The following MGAM2 variants were observed in gnomAD, a reference collection of about 807,000 sequenced individuals.
The protein encoded by MGAM2 is maltase-glucoamylase 2 (putative).
MGAM2 carries 98 observed loss-of-function variants against 96.1 expected under a neutral mutation model. The observed-to-expected ratio is 1.02, with a 90% CI of 0.87 to 1.21. The LOEUF is 1.21. Among genes scored for constraint, MGAM2 ranks in the 50% most tolerant of loss-of-function variants. The pLI is 0.00. For missense variants in MGAM2, 2,055 were observed against 1,182.4 expected, an observed-to-expected ratio of 1.74 and a Z score of -10.82; for synonymous variants, 749 against 414.8, an observed-to-expected ratio of 1.81 and a Z score of -9.79.
At chr7:142,114,160 AAG>A (rs1156369132) in intron 1 of MGAM2, among the ~76,000 whole-genome samples, 1 of 94,888 alleles carries the variant, frequency 1.1e-5, no homozygotes, top group Admixed American at 1.1e-4. Flanking sequence ...GAAGGAAAGA[AAG>A]AAAGAAAGAA....
At chr7:142,182,263 G>T (rs973098193) in intron 32 of MGAM2, among the ~76,000 whole-genome samples, 1 of 152,174 alleles carries the variant, frequency 6.6e-6, no homozygotes, top group African/African-American at 2.4e-5. Context: ...GCTCTGCTGG[G>T]GGTCAGAGTA....
chr7:142,113,906 C>T (rs938623242), intron 1 of MGAM2, among the ~76,000 whole-genome samples: 3 of 151,904 alleles, frequency 2.0e-5, no homozygotes, highest in Non-Finnish European at 2.9e-5. Context: ...CCAAGGCGGG[C>T]GGATCACCTG....
chr7:142,112,272 C>G (rs964309034), intron 1 of MGAM2, among the ~76,000 whole-genome samples: 2 of 152,080 alleles, frequency 1.3e-5, no homozygotes, highest in Non-Finnish European at 2.9e-5. Flanking sequence ...GCCTGAATGA[C>G]AATAGCTCCT....
chr7:142,152,171 TAAA>T (rs35193680), intron 15 of MGAM2, among the ~76,000 whole-genome samples: 3 of 145,424 alleles, frequency 2.1e-5, no homozygotes, highest in East Asian at 2.0e-4. Flanking sequence ...TTAAGATGTT[TAAA>T]AAAAAAAAAA....
At chr7:142,139,376 T>C (rs2129079956) in intron 10 of MGAM2, among the ~76,000 whole-genome samples, 1 of 152,230 alleles carries the variant, frequency 6.6e-6, no homozygotes, top group Admixed American at 6.5e-5. Flanking sequence ...GAATATAGTG[T>C]TGGCCCAGTG....
At position 142,116,073 on chromosome 7, in the gene MGAM2, A is replaced by G. The variant is rs75893314; in HGVS notation, c.1-801A>G. 1.6e-3 allele frequency among the ~76,000 whole-genome samples: 249 copies of G among 152,282 alleles called. 4 individuals carry two copies. The South Asian group carries it at 0.035, about 21-fold the overall frequency. ...GACATGTAATAATGTTAGATTTACTATAATTAGAGCAGAAAAATGAGAACA... is the reference window on the plus strand; with the variant it reads ...GACATGTAATAATGTTAGATTTACTGTAATTAGAGCAGAAAAATGAGAACA... On this transcript the variant is annotated intron_variant, in intron 1 of 47. Coordinates refer to ENST00000477922, the MANE Select transcript of MGAM2 (RefSeq NM_001293626.2).
chr7:142,137,227 A>C lies in MGAM2; in HGVS notation c.848-206A>C, dbSNP rs74812509. 5.5e-3 allele frequency among the ~76,000 whole-genome samples: 835 copies of C among 152,156 alleles called. 44 individuals are homozygous for C. In the East Asian group the frequency reaches 0.14, roughly 25 times the overall value. ...GTTCTTCTTTATCTTAAAAAAAAAAAAACAAAACTCAATTCTTCATTGGTG... is the reference window on the plus strand; with the variant it reads ...GTTCTTCTTTATCTTAAAAAAAAAACAACAAAACTCAATTCTTCATTGGTG... On this transcript the variant is annotated intron_variant, in intron 8 of 47. Transcript: ENST00000477922.
At chr7:142,155,044 A>G (rs1271898977) in intron 17 of MGAM2, among the ~76,000 whole-genome samples, 199 bp downstream of exon 17, 1 of 152,178 alleles carries the variant, frequency 6.6e-6, no homozygotes, top group African/African-American at 2.4e-5. Flanking sequence ...ATACTGAAAG[A>G]TTTTATTCTT....
chr7:142,117,378 C>T (rs1482812058), intron 2 of MGAM2, among the ~76,000 whole-genome samples: 1 of 152,118 alleles, frequency 6.6e-6, no homozygotes, highest in Non-Finnish European at 1.5e-5. Context: ...TTAAGTTGGC[C>T]TGGTTATACC....
At chr7:142,136,788 G>C in intron 8 of MGAM2, 148 bp downstream of exon 8, 1 of 535,966 alleles carries the variant, frequency 1.9e-6, no homozygotes, top group Non-Finnish European at 3.3e-6. Flanking sequence ...CCTGAAAGTA[G>C]GTTAATCTGT....
At chr7:142,169,087 A>T (rs919621104) in intron 26 of MGAM2, among the ~76,000 whole-genome samples, 1 of 152,194 alleles carries the variant, frequency 6.6e-6, no homozygotes, top group Non-Finnish European at 1.5e-5. Context: ...CTCCCAGGCA[A>T]TGCTGCTGCT....
At chr7:142,201,336 C>T (rs1224427310) in intron 45 of MGAM2, among the ~76,000 whole-genome samples, 2 of 152,024 alleles carry the variant, frequency 1.3e-5, no homozygotes, top group Non-Finnish European at 2.9e-5. Context: ...TCCCAAAGTG[C>T]TGAGATTACA....
chr7:142,206,188 G>A (rs1420662784), intron 45 of MGAM2, among the ~76,000 whole-genome samples: 1 of 152,036 alleles, frequency 6.6e-6, no homozygotes, highest in Non-Finnish European at 1.5e-5. Flanking sequence ...TGATTACAGT[G>A]GATTTGTAGT....
intron 46 of MGAM2, among the ~76,000 whole-genome samples, chr7:142,210,630 C>T (rs1410701495): frequency 5.9e-5 from 9 of 152,208 alleles, no homozygotes; most frequent in African/African-American, 2.2e-4. Context: ...AGCAAGACTG[C>T]CTTTCTAGAT....
chr7:142,221,165 G>A lies in MGAM2; in HGVS notation c.6654G>A (p.Met2218Ile). 1.4e-6 allele frequency: 1 copy of A among 702,314 alleles called. No individual in the cohort carries two copies. The highest frequency in any genetic ancestry group is 2.6e-6 in the Non-Finnish European group (1 of 384,728). 43.5% of individuals were successfully genotyped at this position (702,314 alleles called of 1,614,324 possible). ...STNAMNTTVI[M>I]ATTSPTSTDV... ...ATGCTATGAACACTACTGTTATTAT[G>A]GCAACTACTTCTCCTACAAGTACTG... Residue 2218 changes from methionine to isoleucine, a missense_variant, in exon 48 of 48, where the codon ATG becomes ATA. Met to Ile is a conservative substitution (Grantham distance 10). Transcript: ENST00000477922.
At chr7:142,218,573 A>G in intron 47 of MGAM2, 42 bp downstream of exon 47, 1 of 551,958 alleles carries the variant, frequency 1.8e-6, no homozygotes, top group Non-Finnish European at 3.2e-6. Context: ...AGTAAATTTT[A>G]TCATTCTGCA....
rs1554499541 is a variant in MGAM2 at position 142,114,155 on chromosome 7, A to AAAG, written c.-1+2351_-1+2353dup. ...CAAAAAAAGAAAGAAAGAAAGAAGG[A>AAAG]AAGAAAGAAAGAAAGAAAGAAAGAA... On this transcript the variant is annotated intron_variant, in intron 1 of 47. Transcript: ENST00000477922. 8.7e-5 allele frequency among the ~76,000 whole-genome samples: 6 copies of AAAG among 68,652 alleles called. 1 individual carries two copies. The highest frequency in any genetic ancestry group is 1.9e-4 in the African/African-American group (2 of 10,316). 45.0% of individuals were successfully genotyped at this position (68,652 alleles called of 152,430 possible).
chr7:142,141,311 C>A (rs188517305), intron 12 of MGAM2, among the ~76,000 whole-genome samples, 192 bp downstream of exon 12: 3 of 152,004 alleles, frequency 2.0e-5, no homozygotes, highest in South Asian at 2.1e-4. Flanking sequence ...AAAAAGCTAG[C>A]CTTGATCCTC....
rs1485623229 is a variant in MGAM2 at position 142,218,479 on chromosome 7, A to G, written c.5306A>G (p.Tyr1769Cys). 3 of 701,254 alleles carry G rather than the reference A, an allele frequency of 4.3e-6. No individual in the cohort carries two copies. The African/African-American group carries it at 5.2e-5, about 12-fold the overall frequency. 43.4% of individuals were successfully genotyped at this position (701,254 alleles called of 1,614,324 possible). The change falls in exon 47 of 48, where the codon TAT becomes TGT. Residue 1769 changes from tyrosine (Y) to cysteine (C), a missense_variant. By Grantham distance (194) the Tyr-to-Cys change is radical. Coordinates refer to ENST00000477922, the MANE Select transcript of MGAM2 (RefSeq NM_001293626.2). ...NTYVTQVSFT[Y>C]DNRQFMETNF... ...TATGTGACACAAGTCAGTTTCACCT[A>G]TGACAACCGGCAATTTATGGAGACA...
Sources: gnomAD v4.1 joint callset for allele counts (sites outside exome capture counted in the v4.1 genomes callset) on GRCh38, gnomAD v4.1.1 for gene constraint, MANE v1.5 for transcripts, NCBI Gene and HGNC (gene_info 2026-07-23, HGNC 2026-07-21) for gene names.